The following XXYLT1 variants were observed in gnomAD, a reference collection of about 807,000 sequenced individuals.
The protein encoded by XXYLT1 is UDP-xylose:alpha-xyloside alpha-1,3-xylosyltransferase.
A neutral mutation model predicts 28.9 loss-of-function variants in XXYLT1; 20 were observed. The observed-to-expected ratio is 0.69, with a 90% CI of 0.49 to 1.00. XXYLT1 has a LOEUF of 1.00. Ranked by LOEUF, XXYLT1 falls within the 50% of genes least tolerant of loss-of-function variation. The pLI, the probability that XXYLT1 is intolerant of heterozygous loss-of-function variation, is 0.00. For missense variants in XXYLT1, 542 were observed against 560.1 expected, an observed-to-expected ratio of 0.97 and a Z score of 0.33; for synonymous variants, 257 against 253.8, an observed-to-expected ratio of 1.01 and a Z score of -0.12.
chr3:195,262,016 A>C (rs1441390501), intron 1 of XXYLT1, among the ~76,000 whole-genome samples: 1 of 152,252 alleles, frequency 6.6e-6, no homozygotes, highest in East Asian at 1.9e-4. Context: ...TGATGTGACA[A>C]CATATGTCCA....
chr3:195,213,254 T>C (rs1306831232), intron 2 of XXYLT1, among the ~76,000 whole-genome samples: 1 of 146,556 alleles, frequency 6.8e-6, no homozygotes, highest in Non-Finnish European at 1.5e-5. Flanking sequence ...GGGCAGCACT[T>C]CTTTCTTTCT....
At chr3:195,175,862 C>A in intron 2 of XXYLT1, 6 of 1,410,078 alleles carry the variant, frequency 4.3e-6, no homozygotes, top group Non-Finnish European at 2.8e-6. Context: ...TCCTAGAAAG[C>A]CAATGCATCC....
intron 2 of XXYLT1, among the ~76,000 whole-genome samples, chr3:195,218,052 A>C (rs951483058): frequency 6.7e-6 from 1 of 149,818 alleles, no homozygotes; most frequent in Non-Finnish European, 1.5e-5. Flanking sequence ...TGACAAAAAC[A>C]AGTAATGAGG....
At chr3:195,249,286 T>C (rs1317465537) in intron 1 of XXYLT1, among the ~76,000 whole-genome samples, 2 of 152,152 alleles carry the variant, frequency 1.3e-5, no homozygotes, top group Non-Finnish European at 2.9e-5. Flanking sequence ...TTCAAAAGGT[T>C]ACACCCACCA....
chr3:195,143,801 G>GATATATATAGATATAGATATATATATAT (rs1240224336), intron 3 of XXYLT1, among the ~76,000 whole-genome samples: 2 of 110,508 alleles, frequency 1.8e-5, no homozygotes, highest in Non-Finnish European at 3.4e-5. Context: ...TATATATATA[G>GATATATATAGATATAGATATATATATAT]ATAGATATAT....
At position 195,133,297 on chromosome 3, in the gene XXYLT1, G is replaced by A. The variant is rs1718994743; in HGVS notation, c.785+23152C>T. Among the ~76,000 whole-genome samples the A allele has an allele frequency of 6.6e-6, 1 of 152,212 alleles. No individual in the cohort carries two copies. The highest frequency in any genetic ancestry group is 2.1e-4 in the South Asian group (1 of 4,828). ...TTTCCTGAATGGCCCTGGAGTACCA[G>A]CAGCTGACATCGGCAGGTGGATAAC... On this transcript the variant is annotated intron_variant, in intron 3 of 3. Transcript: ENST00000310380. This position sits in a 1 kb window ranked among gnomAD's most constrained non-coding sequence, Gnocchi z 4.4.
chr3:195,252,721 CACACACAG>C (rs71180918), intron 1 of XXYLT1, among the ~76,000 whole-genome samples: 2,575 of 134,608 alleles, frequency 0.019, 22 homozygotes, highest in Non-Finnish European at 0.031. Flanking sequence ...CACACACACA[CACACACAG>C]AGAGAGAGAG....
chr3:195,136,093 T>C (rs1488365405), intron 3 of XXYLT1, among the ~76,000 whole-genome samples: 1 of 152,046 alleles, frequency 6.6e-6, no homozygotes, highest in Non-Finnish European at 1.5e-5. Flanking sequence ...TACACACTGA[T>C]CACAGCATCA....
intron 3 of XXYLT1, chr3:195,148,043 T>C (rs936449931): frequency 2.0e-5 from 3 of 152,254 alleles, no homozygotes; most frequent in Non-Finnish European, 2.9e-5. Context: ...GCCCCCGCTA[T>C]GCGCCCGAGT....
chr3:195,120,650 C>G (rs116444568), intron 3 of XXYLT1, among the ~76,000 whole-genome samples: 1 of 152,172 alleles, frequency 6.6e-6, no homozygotes, highest in Non-Finnish European at 1.5e-5. Context: ...GTGTTCTCCT[C>G]GGATGGCTCC....
intron 3 of XXYLT1, chr3:195,095,979 G>A (rs956440380): frequency 2.0e-5 from 3 of 152,204 alleles, no homozygotes; most frequent in African/African-American, 7.2e-5. Flanking sequence ...AGAGGCCAGA[G>A]GCTCCGGGAA....
intron 3 of XXYLT1, among the ~76,000 whole-genome samples, chr3:195,111,113 C>T (rs1017401020): frequency 1.3e-5 from 2 of 152,070 alleles, no homozygotes; most frequent in African/African-American, 4.8e-5. Context: ...GAGCCTGTTC[C>T]AGGCCGCTCC....
intron 3 of XXYLT1, among the ~76,000 whole-genome samples, chr3:195,109,736 T>C (rs1187758834): frequency 1.5e-5 from 1 of 67,288 alleles, no homozygotes; most frequent in Non-Finnish European, 3.5e-5. Flanking sequence ...GTGTGTGGTG[T>C]ATGTGTTCAG....
In XXYLT1 at chr3:195,077,741, C is replaced by A. The variant is rs1396664043; in HGVS notation, c.786-7630G>T. Among the ~76,000 whole-genome samples the A allele has an allele frequency of 6.6e-6, 1 of 152,190 alleles. No individual in the cohort carries two copies. The highest frequency in any genetic ancestry group is 1.5e-5 in the Non-Finnish European group (1 of 68,022). ...CCTGCAGGCGTCCGTTTCTCCAGAG[C>A]CCTGCAGAAGGGCAGCTGGCAGGCC... On this transcript the variant is annotated intron_variant, in intron 3 of 3. Transcript: ENST00000310380. The surrounding 1 kb of genome is among the most constrained non-coding windows in gnomAD (Gnocchi z 4.8).
intron 2 of XXYLT1, among the ~76,000 whole-genome samples, chr3:195,193,665 G>A (rs890221942): frequency 2.0e-5 from 3 of 152,148 alleles, no homozygotes; most frequent in African/African-American, 7.2e-5. Context: ...AATCCAGACG[G>A]TGTGATACTG....
intron 2 of XXYLT1, among the ~76,000 whole-genome samples, chr3:195,197,393 C>T (rs973740212): frequency 4.0e-5 from 6 of 150,250 alleles, no homozygotes; most frequent in African/African-American, 7.4e-5. Context: ...GCCAAGATCG[C>T]GCCACTGCAC....
At chr3:195,072,052 C>T (rs1288015670) in intron 3 of XXYLT1, among the ~76,000 whole-genome samples, 1 of 152,162 alleles carries the variant, frequency 6.6e-6, no homozygotes, top group African/African-American at 2.4e-5. Context: ...ACTCACCCAG[C>T]TGGGGGTGTG....
At chr3:195,143,899 ATTT>A (rs1719691938) in intron 3 of XXYLT1, among the ~76,000 whole-genome samples, 1 of 111,342 alleles carries the variant, frequency 9.0e-6, no homozygotes, top group Admixed American at 9.3e-5. Flanking sequence ...TTTATTTTTT[ATTT>A]TTATTTTTTT....
intron 1 of XXYLT1, 89 bp downstream of exon 1, chr3:195,270,466 T>G: frequency 1.5e-6 from 2 of 1,342,206 alleles, no homozygotes; most frequent in South Asian, 1.9e-5. Flanking sequence ...TACCCGCTAG[T>G]TCCCCGGATC....
Sources: gnomAD v4.1 joint callset for allele counts (sites outside exome capture counted in the v4.1 genomes callset) on GRCh38, gnomAD v4.1.1 for gene constraint, Gnocchi (gnomAD v3.1) non-coding constraint, MANE v1.5 for transcripts, NCBI Gene and HGNC (gene_info 2026-07-23, HGNC 2026-07-21) for gene names.